Variants in TMEFF2 observed in about 807,000 individuals in gnomAD.
TMEFF2 encodes the protein tomoregulin-2.
A neutral mutation model predicts 53.8 loss-of-function variants in TMEFF2; 28 were observed. The ratio of observed to expected loss-of-function variants is 0.52; its 90% confidence interval spans 0.39 to 0.71. The LOEUF (loss-of-function observed/expected upper bound fraction) is 0.71. Ranked by LOEUF, TMEFF2 falls within the 30% of genes least tolerant of loss-of-function variation. The probability of loss-of-function intolerance (pLI) is 0.00; values close to 1 mark genes in which losing one functional copy is unlikely to be tolerated. For synonymous variants in TMEFF2, 162 were observed against 166.3 expected (o/e 0.97, Z 0.20); for missense variants, 353 against 455.2 (o/e 0.78, Z 2.04).
rs908458242 is a variant in TMEFF2 at position 192,166,624 on chromosome 2, G to A, written c.439+13044C>T. Reference sequence around the variant, plus strand: ...AGTACCTCTAGTCTAAGGCTCAGGAGGAAACTCAAGCAGTTACAATACTAG... The same window carrying A: ...AGTACCTCTAGTCTAAGGCTCAGGAAGAAACTCAAGCAGTTACAATACTAG... On this transcript the variant is annotated intron_variant, in intron 4 of 9. Coordinates refer to ENST00000272771, the MANE Select transcript of TMEFF2 (RefSeq NM_016192.4). 1.3e-5 allele frequency among the ~76,000 whole-genome samples: 2 copies of A among 152,010 alleles called. 1 individual carries two copies. Among genetic ancestry groups the A allele is most frequent in the Admixed American group, 1.3e-4 (2 of 15,240 alleles).
chr2:192,189,736 G>A (rs1559165066), intron 2 of TMEFF2, among the ~76,000 whole-genome samples: 1 of 151,930 alleles, frequency 6.6e-6, no homozygotes, highest in Admixed American at 6.6e-5. Context: ...GGACTCAAGA[G>A]ACTCTTAGCT....
intron 5 of TMEFF2, among the ~76,000 whole-genome samples, chr2:192,056,395 G>C (rs1687910621): frequency 1.3e-5 from 2 of 151,972 alleles, no homozygotes; most frequent in South Asian, 4.2e-4. Flanking sequence ...GGAAGTGGAA[G>C]AGGAAGAAGA....
intron 7 of TMEFF2, among the ~76,000 whole-genome samples, chr2:191,988,353 G>A (rs1381765258): frequency 5.3e-5 from 8 of 152,166 alleles, no homozygotes; most frequent in African/African-American, 9.7e-5. Context: ...GGCTAGGGGT[G>A]TGAGGATAGC....
chr2:192,115,844 C>G (rs1346983754), intron 4 of TMEFF2, among the ~76,000 whole-genome samples: 1 of 151,746 alleles, frequency 6.6e-6, no homozygotes, highest in Non-Finnish European at 1.5e-5. Flanking sequence ...ATAAGTGTTG[C>G]CAGGGATGTG....
At chr2:192,126,188 G>A (rs1056189761) in intron 4 of TMEFF2, among the ~76,000 whole-genome samples, 76 of 152,184 alleles carry the variant, frequency 5.0e-4, no homozygotes, top group Non-Finnish European at 2.1e-4. Flanking sequence ...ATGAATTACC[G>A]TTTTCTGAAA....
rs1307146909 is a variant in TMEFF2, at chr2:192,052,916, C to CT, written c.536+4762dup. Among the ~76,000 whole-genome samples, 3 of 152,280 alleles carry CT rather than the reference C, an allele frequency of 2.0e-5. No homozygotes were observed. The East Asian group carries it at 5.8e-4, about 29-fold the overall frequency. On this transcript the variant is annotated intron_variant, in intron 5 of 9. Coordinates refer to ENST00000272771, the MANE Select transcript of TMEFF2 (RefSeq NM_016192.4). ...ACTTGTCCTGTTGAATTTTAACCCT[C>CT]TTTTGGAAGCTTAATCCTTTCCTAC...
At chr2:192,133,460 C>G (rs896734060) in intron 4 of TMEFF2, among the ~76,000 whole-genome samples, 4 of 152,216 alleles carry the variant, frequency 2.6e-5, no homozygotes, top group African/African-American at 9.7e-5. Context: ...TCGTCTGCTA[C>G]AGCATGGCCT....
intron 4 of TMEFF2, among the ~76,000 whole-genome samples, chr2:192,067,290 G>A (rs1191707041): frequency 1.3e-5 from 2 of 151,814 alleles, no homozygotes; most frequent in African/African-American, 4.8e-5. Flanking sequence ...TTAGACAGAG[G>A]GGTAGTGGTT....
chr2:192,141,535 A>G (rs1690140175), intron 4 of TMEFF2, among the ~76,000 whole-genome samples: 1 of 151,724 alleles, frequency 6.6e-6, no homozygotes. Flanking sequence ...GACTTTTATT[A>G]TTATTTAGTA....
intron 5 of TMEFF2, among the ~76,000 whole-genome samples, chr2:192,051,383 A>C (rs1687767553): frequency 6.6e-6 from 1 of 152,154 alleles, no homozygotes; most frequent in Non-Finnish European, 1.5e-5. Flanking sequence ...GATGGCTAAA[A>C]TTTTGTGACT....
chr2:191,960,266 A>G (rs1021171962), intron 7 of TMEFF2, among the ~76,000 whole-genome samples: 2 of 152,194 alleles, frequency 1.3e-5, no homozygotes, highest in South Asian at 2.1e-4. Context: ...TTCTGATGCT[A>G]TTAAATATTT....
At chr2:192,118,908 C>A in intron 4 of TMEFF2, among the ~76,000 whole-genome samples, 1 of 151,998 alleles carries the variant, frequency 6.6e-6, no homozygotes, top group East Asian at 1.9e-4. Flanking sequence ...ATATATTTTA[C>A]CAAATTATTT....
At chr2:192,004,066 G>A (rs1292650982) in intron 5 of TMEFF2, among the ~76,000 whole-genome samples, 1 of 152,142 alleles carries the variant, frequency 6.6e-6, no homozygotes, top group Non-Finnish European at 1.5e-5. Flanking sequence ...CTGGTACCTA[G>A]TACAGTGCAT....
chr2:192,104,356 A>G (rs898198008), intron 4 of TMEFF2, among the ~76,000 whole-genome samples: 6 of 152,098 alleles, frequency 3.9e-5, no homozygotes, highest in Non-Finnish European at 7.4e-5. Context: ...AGTAATTTCC[A>G]CTTAGGTTAG....
rs573401678 is a variant in TMEFF2, at chr2:192,143,415, G to A, written c.439+36253C>T. 2.6e-5 allele frequency among the ~76,000 whole-genome samples: 4 copies of A among 152,164 alleles called. No homozygotes were observed. In the East Asian group the frequency reaches 7.7e-4, roughly 29 times the overall value. On this transcript the variant is annotated intron_variant, in intron 4 of 9. Transcript: ENST00000272771. The stretch of plus-strand genomic sequence containing the variant: ...TGATTAATTTTTCTCCTAATAAAAA[G>A]TGCAAAAACTAACAAAAGTCAGCCT...
intron 5 of TMEFF2, among the ~76,000 whole-genome samples, chr2:192,018,265 G>A (rs2105857538): frequency 6.6e-6 from 1 of 152,300 alleles, no homozygotes; most frequent in South Asian, 2.1e-4. Flanking sequence ...TAGCCAGGAG[G>A]AAAAACTATC....
rs188015763 is a variant in TMEFF2, at chr2:192,072,281, G to A, written c.440-14506C>T. Among the ~76,000 whole-genome samples the A allele has an allele frequency of 5.9e-5, 9 of 151,830 alleles. No homozygotes were observed. The East Asian group carries it at 1.7e-3, about 29-fold the overall frequency. Reference sequence around the variant, plus strand: ...CCTAAGTTCTTGTATCCTTAAATAGGCCCAATTTCACTTTCACAGAACATA... The same window carrying A: ...CCTAAGTTCTTGTATCCTTAAATAGACCCAATTTCACTTTCACAGAACATA... On this transcript the variant is annotated intron_variant, in intron 4 of 9. Coordinates refer to ENST00000272771, the MANE Select transcript of TMEFF2 (RefSeq NM_016192.4).
intron 4 of TMEFF2, among the ~76,000 whole-genome samples, chr2:192,122,483 C>A (rs1329356609): frequency 1.3e-5 from 2 of 152,074 alleles, no homozygotes; most frequent in Non-Finnish European, 2.9e-5. Context: ...ATGGGATAGG[C>A]CTTTCTCCTT....
At position 191,950,220 on chromosome 2, in the gene TMEFF2, G is replaced by C; in HGVS notation, c.*91C>G. ...GATTACCACAAATGCAAGGCAACAT[G>C]TGTAGATCTCTTGTCTTATTCTTTT... On this transcript the variant is annotated 3_prime_UTR_variant, in exon 10 of 10. Coordinates refer to ENST00000272771, the MANE Select transcript of TMEFF2 (RefSeq NM_016192.4). 2 of 1,574,964 alleles carry C rather than the reference G, an allele frequency of 1.3e-6. No individual in the cohort carries two copies. The highest frequency in any genetic ancestry group is 1.7e-6 in the Non-Finnish European group (2 of 1,161,594).
Sources: allele counts gnomAD v4.1 joint callset (sites outside exome capture counted in the v4.1 genomes callset), GRCh38; gene constraint gnomAD v4.1.1; transcripts MANE v1.5; gene names NCBI Gene and HGNC (gene_info 2026-07-23, HGNC 2026-07-21).